The following NRDC variants were observed in gnomAD, a reference collection of about 807,000 sequenced individuals.
NRDC encodes the protein nardilysin convertase.
A neutral mutation model predicts 147.1 loss-of-function variants in NRDC; 54 were observed. The observed-to-expected ratio is 0.37, with a 90% CI of 0.29 to 0.46. NRDC has a LOEUF of 0.46. Among genes scored for constraint, NRDC ranks in the 20% least tolerant of loss-of-function variants. NRDC has a pLI of 1.00. For missense variants in NRDC, 1,082 were observed against 1,370.6 expected (o/e 0.79, Z 3.33); for synonymous variants, 440 against 482.1 (o/e 0.91, Z 1.14).
intron 27 of NRDC, 110 bp from the exon 28 acceptor site, chr1:51,791,100 A>G: frequency 1.4e-6 from 1 of 736,206 alleles, no homozygotes; most frequent in Non-Finnish European, 2.3e-6. Flanking sequence ...TAAGACATAT[A>G]TCCAGGAAAA....
intron 4 of NRDC, among the ~76,000 whole-genome samples, chr1:51,832,322 C>T (rs1390695202): frequency 3.9e-5 from 6 of 152,172 alleles, no homozygotes; most frequent in African/African-American, 1.4e-4. Context: ...GTTGGGATTA[C>T]AGGTGTGAGC....
intron 24 of NRDC, among the ~76,000 whole-genome samples, chr1:51,793,219 T>TGA (rs1678734696): frequency 6.6e-6 from 1 of 152,176 alleles, no homozygotes; most frequent in Non-Finnish European, 1.5e-5. Flanking sequence ...TGCTAAGAGG[T>TGA]GACTGATGGA....
intron 30 of NRDC, 48 bp from the exon 31 acceptor site, chr1:51,789,481 G>A: frequency 6.2e-7 from 1 of 1,605,940 alleles, no homozygotes; most frequent in Non-Finnish European, 8.5e-7. Context: ...ACCAGATTTA[G>A]GGGTTTAAGA....
At chr1:51,827,523 C>T (rs1680498769) in intron 5 of NRDC, among the ~76,000 whole-genome samples, 1 of 152,174 alleles carries the variant, frequency 6.6e-6, no homozygotes, top group Non-Finnish European at 1.5e-5. Flanking sequence ...CCTTTATAGT[C>T]TTCAATCTTT....
chr1:51,851,210 A>G (rs1308552306), intron 1 of NRDC, among the ~76,000 whole-genome samples: 1 of 152,140 alleles, frequency 6.6e-6, no homozygotes, highest in Non-Finnish European at 1.5e-5. Context: ...GATGTGTGAT[A>G]GCCCCATAGT....
intron 14 of NRDC, among the ~76,000 whole-genome samples, chr1:51,813,326 C>T (rs959885898): frequency 1.3e-5 from 2 of 152,194 alleles, no homozygotes; most frequent in Non-Finnish European, 2.9e-5. Flanking sequence ...ACAGGTCCTT[C>T]AGATACCAAG....
chr1:51,865,018 A>G (rs1161831640), intron 1 of NRDC, among the ~76,000 whole-genome samples: 2 of 152,048 alleles, frequency 1.3e-5, no homozygotes, highest in African/African-American at 2.4e-5. Context: ...ATAAGATACA[A>G]AAAGTGCAAA....
chr1:51,854,912 G>C (rs1236240567), intron 1 of NRDC, among the ~76,000 whole-genome samples: 2 of 152,210 alleles, frequency 1.3e-5, no homozygotes, highest in Non-Finnish European at 2.9e-5. Context: ...CTCATATAGA[G>C]AGGAACTGGG....
At position 51,794,815 on chromosome 1, in the gene NRDC, ATACT is replaced by A. The variant is rs757984019; in HGVS notation, c.2636+4_2636+7del. ...ACATAACCCCAAAGAGAAAATTCAA[ATACT>A]TACTCAACAACATATTTCAGGAAAT... is the stretch of plus-strand genomic sequence containing the variant. On this transcript the variant is annotated splice_donor_5th_base_variant and intron_variant, in intron 23 of 30. Transcript: ENST00000352171. 6.2e-7 allele frequency: 1 copy of A among 1,613,990 alleles called. No homozygotes were observed. Among genetic ancestry groups the A allele is most frequent in the Non-Finnish European group, 8.5e-7 (1 of 1,179,958 alleles).
At chr1:51,795,288 T>A in intron 22 of NRDC, 1 of 1,088,082 alleles carries the variant, frequency 9.2e-7, no homozygotes, top group Non-Finnish European at 1.2e-6. Context: ...TTTTCTTATC[T>A]ATAAAATAAG....
chr1:51,823,798 T>A lies in NRDC; in HGVS notation c.1037-12A>T, dbSNP rs1206627712. 2.5e-6 allele frequency: 4 copies of A among 1,569,748 alleles called. No individual in the cohort carries two copies. The highest frequency in any genetic ancestry group is 1.8e-4 in the Middle Eastern group (1 of 5,600). On this transcript the variant is annotated splice_polypyrimidine_tract_variant and intron_variant, in intron 6 of 30. Coordinates refer to ENST00000352171, the MANE Select transcript of NRDC (RefSeq NM_001101662.2). ...CGTCTCAGCATTTCCTATAAAAGAA[T>A]GAAAAAAATTATAGATATAACTAAG...
Position 51,878,283 on chromosome 1 carries a change from C to T in NRDC, c.333G>A (p.Lys111=). The T allele has an allele frequency of 6.2e-7, 1 of 1,612,500 alleles. No individual in the cohort carries two copies. The highest frequency in any genetic ancestry group is 8.5e-7 in the Non-Finnish European group (1 of 1,178,802). ...PEIVKSPSDP[K]QYRYIKLQNG... Reference sequence around the variant, plus strand: ...CAAGCCTCCTCCCTCACCGGTATTGCTTGGGGTCGCTGGGAGACTTGACGA... The same window carrying T: ...CAAGCCTCCTCCCTCACCGGTATTGTTTGGGGTCGCTGGGAGACTTGACGA... The change falls in exon 1 of 31, where the codon AAG becomes AAA. Residue 111 remains lysine (K), a synonymous_variant. Transcript: ENST00000352171.
intron 1 of NRDC, among the ~76,000 whole-genome samples, chr1:51,849,276 TAGTCCCAGCTATA>T (rs1341772792): frequency 6.6e-6 from 1 of 151,824 alleles, no homozygotes; most frequent in African/African-American, 2.4e-5. Context: ...TGAGCGCCTG[TAGTCCCAGCTATA>T]CGGGAGGCTG....
chr1:51,840,261 TCTC>T lies in NRDC; in HGVS notation c.592_594del (p.Glu198del). On this transcript the variant is annotated inframe_deletion, in exon 2 of 31. Transcript: ENST00000352171. The stretch of plus-strand genomic sequence containing the variant: ...GTAGTTTTTTTTCTAGCTTCTGCTC[TCTC>T]TTCTAATTCTTCCAATTCATTATCC... 6.2e-7 allele frequency: 1 copy of T among 1,606,418 alleles called. No individual in the cohort carries two copies. The highest frequency in any genetic ancestry group is 1.1e-5 in the South Asian group (1 of 88,832).
intron 1 of NRDC, among the ~76,000 whole-genome samples, chr1:51,872,916 A>G (rs960566502): frequency 6.6e-6 from 1 of 150,412 alleles, no homozygotes; most frequent in Admixed American, 6.6e-5. Flanking sequence ...AGAAATTTGG[A>G]TTCACTTGTT....
chr1:51,878,050 A>G, intron 1 of NRDC: 1 of 1,394,790 alleles, frequency 7.2e-7, no homozygotes. Flanking sequence ...ATGACTCGAA[A>G]AGCTTCTCCC....
At chr1:51,808,417 A>C (rs1679564415) in intron 17 of NRDC, among the ~76,000 whole-genome samples, 1 of 152,190 alleles carries the variant, frequency 6.6e-6, no homozygotes, top group Non-Finnish European at 1.5e-5. Context: ...AGCTTCTTTC[A>C]CTTAGCATGA....
At chr1:51,836,247 C>T in intron 2 of NRDC, 35 bp from the exon 3 acceptor site, 1 of 1,603,466 alleles carries the variant, frequency 6.2e-7, no homozygotes, top group Non-Finnish European at 8.5e-7. Flanking sequence ...ATAGTTGAGT[C>T]AACCCTAAAG....
intron 22 of NRDC, among the ~76,000 whole-genome samples, chr1:51,797,418 T>A (rs1192763319): frequency 2.0e-5 from 3 of 152,348 alleles, no homozygotes; most frequent in Non-Finnish European, 4.4e-5. Flanking sequence ...TGGAATCATA[T>A]CTGTACTTTA....
Sources: gnomAD v4.1 joint callset for allele counts (sites outside exome capture counted in the v4.1 genomes callset) on GRCh38, gnomAD v4.1.1 for gene constraint, MANE v1.5 for transcripts, NCBI Gene and HGNC (gene_info 2026-07-23, HGNC 2026-07-21) for gene names.